The following NLRP4 variants were observed in gnomAD, a reference collection of about 807,000 sequenced individuals.
NLRP4 encodes NLR family pyrin domain containing 4.
A neutral mutation model predicts 84.7 loss-of-function variants in NLRP4; 44 were observed. The observed-to-expected ratio is 0.52, with a 90% CI of 0.41 to 0.67. NLRP4 has a LOEUF of 0.67. NLRP4 is among the 30% of genes least tolerant of loss of function. The pLI is 0.00. For synonymous variants in NLRP4, 544 were observed against 476.4 expected, an observed-to-expected ratio of 1.14 and a Z score of -1.85; for missense variants, 1,260 against 1,219.4, an observed-to-expected ratio of 1.03 and a Z score of -0.50.
intron 7 of NLRP4, among the ~76,000 whole-genome samples, chr19:55,875,663 G>A (rs1323313254): frequency 6.6e-6 from 1 of 152,110 alleles, no homozygotes; most frequent in Non-Finnish European, 1.5e-5. Flanking sequence ...TGATTGAGTT[G>A]AACTTGAAAA....
At chr19:55,851,109 C>A (rs1270877260) in intron 1 of NLRP4, among the ~76,000 whole-genome samples, 7 of 112,710 alleles carry the variant, frequency 6.2e-5, no homozygotes, top group African/African-American at 1.5e-4. Context: ...GGTGTAATGT[C>A]CGTGGCTGCG....
At chr19:55,838,035 C>CCAAAAAAAAAAAAAAAAAAAGGA (rs59078329) in intron 1 of NLRP4, among the ~76,000 whole-genome samples, 1 of 132,658 alleles carries the variant, frequency 7.5e-6, no homozygotes, top group Non-Finnish European at 1.6e-5. Flanking sequence ...GACTCGGTCT[C>CCAAAAAAAAAAAAAAAAAAAGGA]AAGCTGGATG....
intron 5 of NLRP4, among the ~76,000 whole-genome samples, chr19:55,865,070 A>G (rs1984902339): frequency 6.6e-6 from 1 of 152,220 alleles, no homozygotes; most frequent in African/African-American, 2.4e-5. Flanking sequence ...TTTGGTGTAC[A>G]AATTATTTCG....
Position 55,877,006 on chromosome 19 carries a change from T to G in NLRP4, c.2536T>G (p.Cys846Gly). The part of the protein sequence containing the change: ...CCLDSLCLVK[C>G]FITAAGCEDL... Reference sequence around the variant, plus strand: ...CTTACTCCTTTGCAGTTTGGTAAAATGTTTTATCACTGCTGCTGGCTGTGA... The same window carrying G: ...CTTACTCCTTTGCAGTTTGGTAAAAGGTTTTATCACTGCTGCTGGCTGTGA... Residue 846 changes from cysteine to glycine, a missense_variant, in exon 8 of 10, where the codon TGT (cysteine) becomes GGT (glycine). Physicochemically the swap from Cys to Gly is radical, Grantham distance 159. Around this residue, in one of 3 missense-constraint regions of NLRP4, gnomAD observed 544 missense variants for 531.7 expected, o/e 1.02. Transcript: ENST00000301295. 6.2e-7 allele frequency: 1 copy of G among 1,613,456 alleles called. No individual in the cohort carries two copies. The highest frequency in any genetic ancestry group is 8.5e-7 in the Non-Finnish European group (1 of 1,179,494).
chr19:55,850,849 A>C (rs374855468), intron 1 of NLRP4, among the ~76,000 whole-genome samples: 281 of 22,566 alleles, frequency 0.012, 6 homozygotes, highest in African/African-American at 0.017. Context: ...GGTGTAATTT[A>C]CGAGGCTGCG....
chr19:55,879,813 C>T (rs1231872363), intron 9 of NLRP4, among the ~76,000 whole-genome samples: 3 of 144,002 alleles, frequency 2.1e-5, no homozygotes, highest in African/African-American at 7.9e-5. Context: ...TAATTTTTTA[C>T]CTCCTATATC....
At position 55,852,290 on chromosome 19, in the gene NLRP4, C is replaced by T; in HGVS notation, c.210C>T (p.Asn70=). Residue 70 remains asparagine, a synonymous_variant, in exon 2 of 10, where the codon AAC becomes AAT. Transcript: ENST00000301295. ...ACTATGAAGAACAACAAGCTTGGAA[C>T]ATAACCTTAAGAATCTTTCAAAAGA... is the stretch of plus-strand genomic sequence containing the variant. ...IKHYEEQQAW[N]ITLRIFQKMD... The T allele has an allele frequency of 6.2e-7, 1 of 1,605,486 alleles. No individual in the cohort carries two copies. The highest frequency in any genetic ancestry group is 1.3e-5 in the African/African-American group (1 of 74,414).
chr19:55,866,301 G>T (rs1984952831), intron 5 of NLRP4, among the ~76,000 whole-genome samples: 1 of 152,142 alleles, frequency 6.6e-6, no homozygotes, highest in African/African-American at 2.4e-5. Flanking sequence ...CAAAGTGCTG[G>T]AATTACAGGC....
chr19:55,850,056 T>C (rs1600222982), intron 1 of NLRP4, among the ~76,000 whole-genome samples: 1 of 145,832 alleles, frequency 6.9e-6, no homozygotes, highest in African/African-American at 2.6e-5. Context: ...TTTCCGTAGC[T>C]GCGGTGGAAT....
intron 1 of NLRP4, among the ~76,000 whole-genome samples, chr19:55,837,919 C>T (rs1983433641): frequency 6.6e-6 from 1 of 151,902 alleles, no homozygotes; most frequent in Admixed American, 6.6e-5. Flanking sequence ...GCCTGTAATC[C>T]CAGCTACTCA....
At chr19:55,843,306 T>C (rs1267102308) in intron 1 of NLRP4, among the ~76,000 whole-genome samples, 1 of 152,194 alleles carries the variant, frequency 6.6e-6, no homozygotes. Context: ...TGTTTCCCTA[T>C]AATGTGTCTA....
At chr19:55,852,426 G>T (rs925070805) in intron 2 of NLRP4, 66 bp downstream of exon 2, 1 of 977,614 alleles carries the variant, frequency 1.0e-6, no homozygotes. Flanking sequence ...TTGGTGAGTG[G>T]TCTCTGCCTG....
rs749461870 is a variant in NLRP4 at position 55,858,160 on chromosome 19, C to A, written c.767C>A (p.Pro256Gln). 3.7e-6 allele frequency: 6 copies of A among 1,614,084 alleles called. No individual in the cohort carries two copies. The highest frequency in any genetic ancestry group is 5.1e-6 in the Non-Finnish European group (6 of 1,180,014). Residue 256 changes from proline to glutamine, a missense_variant, in exon 3 of 10, where the codon CCG (proline) becomes CAG (glutamine). By Grantham distance (76) the Pro-to-Gln change is moderately conservative (BLOSUM62 -1). Coordinates refer to ENST00000301295, the MANE Select transcript of NLRP4 (RefSeq NM_134444.5). The surrounding 1 kb of genome is among the most constrained non-coding windows in gnomAD (Gnocchi z 4.2). The stretch of plus-strand genomic sequence containing the variant: ...TGTGGTGACTTGATGGAGAAACGGC[C>A]GGTGCAGGTGCTTCTGAGCAGTTTG... ...DLCGDLMEKR[P>Q]VQVLLSSLLR...
At position 55,867,742 on chromosome 19, in the gene NLRP4, T is replaced by C; in HGVS notation, c.2220T>C (p.Cys740=). 6 of 1,614,170 alleles carry C rather than the reference T, an allele frequency of 3.7e-6. No homozygotes were observed. Among genetic ancestry groups the C allele is most frequent in the African/African-American group, 1.3e-5 (1 of 75,064 alleles). ...ATTGTCACCTCTCACCCATTGATTGTGAAGTCCTTGCTGGCCTTCTAACCA... is the reference window on the plus strand; with the variant it reads ...ATTGTCACCTCTCACCCATTGATTGCGAAGTCCTTGCTGGCCTTCTAACCA... ...LVNCHLSPID[C]EVLAGLLTNN... The change falls in exon 6 of 10, where the codon TGT becomes TGC. Residue 740 remains cysteine, a synonymous_variant. Coordinates refer to ENST00000301295, the MANE Select transcript of NLRP4 (RefSeq NM_134444.5).
chr19:55,854,123 C>T (rs1313954020), intron 2 of NLRP4, among the ~76,000 whole-genome samples: 2 of 152,200 alleles, frequency 1.3e-5, no homozygotes, highest in East Asian at 3.9e-4. Context: ...ATGCCCGCCA[C>T]CACACCCGGC....
intron 1 of NLRP4, among the ~76,000 whole-genome samples, chr19:55,843,776 TC>T (rs1983698373): frequency 6.6e-6 from 1 of 152,140 alleles, no homozygotes; most frequent in African/African-American, 2.4e-5. Flanking sequence ...TGCATTTTTT[TC>T]ATGGCAAAAA....
chr19:55,847,662 G>T (rs531114806), intron 1 of NLRP4, among the ~76,000 whole-genome samples: 177 of 150,964 alleles, frequency 1.2e-3, no homozygotes, highest in African/African-American at 4.0e-3. Context: ...AGTATTAATA[G>T]ATTATTAACT....
At chr19:55,852,461 A>G (rs1441871961) in intron 2 of NLRP4, 101 bp downstream of exon 2, 29 of 614,626 alleles carry the variant, frequency 4.7e-5, no homozygotes, top group Non-Finnish European at 7.6e-5. Flanking sequence ...TGAATGTGCT[A>G]TGGGAAAATA....
chr19:55,871,414 G>A (rs553894713), intron 7 of NLRP4, among the ~76,000 whole-genome samples: 195 of 152,126 alleles, frequency 1.3e-3, no homozygotes, highest in African/African-American at 4.5e-3. Flanking sequence ...GAATTAATGT[G>A]TGTAACAGAG....
Sources: gnomAD v4.1 joint callset for allele counts (sites outside exome capture counted in the v4.1 genomes callset) on GRCh38, gnomAD v4.1.1 for gene constraint, gnomAD v4.1.1 regional missense constraint, Gnocchi (gnomAD v3.1) non-coding constraint, MANE v1.5 for transcripts, NCBI Gene and HGNC (gene_info 2026-07-23, HGNC 2026-07-21) for gene names.